The following SNAPC1 variants were observed in gnomAD, a reference collection of about 807,000 sequenced individuals.
The protein encoded by SNAPC1 is small nuclear RNA activating complex polypeptide 1, also known as snRNA-activating protein complex subunit 1.
In SNAPC1, 42 loss-of-function variants were observed where a neutral mutation model predicts 50.1. That is an observed-to-expected ratio of 0.84 (90% confidence interval 0.65 to 1.08). The LOEUF is 1.08. Among genes scored for constraint, SNAPC1 ranks in the 50% least tolerant of loss-of-function variants. SNAPC1 has a pLI of 0.00. For missense variants in SNAPC1, 477 were observed against 427.3 expected (o/e 1.12, Z -1.02); for synonymous variants, 164 against 144.2 (o/e 1.14, Z -0.98).
rs190444843 is a variant in SNAPC1, at chr14:61,769,293, T to C, written c.534+553T>C. Among the ~76,000 whole-genome samples the C allele has an allele frequency of 2.4e-3, 357 of 151,320 alleles. 7 individuals carry two copies. Among genetic ancestry groups the C allele is most frequent in the Admixed American group, 0.019 (290 of 15,216 alleles). On this transcript the variant is annotated intron_variant, in intron 4 of 9. Coordinates refer to ENST00000216294, the MANE Select transcript of SNAPC1 (RefSeq NM_003082.4). ...GAATCACAAACCCCAGAGGTAGAGG[T>C]TGCAGTGAGCTGAGATCGCACCGCT... is the stretch of plus-strand genomic sequence containing the variant.
At chr14:61,770,920 T>C (rs2044985359) in intron 4 of SNAPC1, among the ~76,000 whole-genome samples, 1 of 152,048 alleles carries the variant, frequency 6.6e-6, no homozygotes, top group Non-Finnish European at 1.5e-5. Context: ...TTTTTGTATT[T>C]TAGTAGAGAT....
intron 4 of SNAPC1, 101 bp downstream of exon 4, chr14:61,768,841 T>C: frequency 1.6e-6 from 1 of 626,318 alleles, no homozygotes; most frequent in Non-Finnish European, 2.8e-6. Flanking sequence ...ATTTTTCTAA[T>C]GATTTTAACC....
At position 61,795,430 on chromosome 14, in the gene SNAPC1, G is replaced by A. The variant is rs150829207; in HGVS notation, c.*447G>A. ...TTATTTTGTATATTTATTCTATTTT[G>A]TATATTGTTAAGTGCAATAAAGTTT... On this transcript the variant is annotated 3_prime_UTR_variant, in exon 10 of 10. Transcript: ENST00000216294. 534 of 152,266 alleles carry A rather than the reference G, an allele frequency of 3.5e-3. No homozygotes were observed. Among genetic ancestry groups the A allele is most frequent in the Non-Finnish European group, 5.7e-3 (390 of 67,934 alleles). 9.4% of individuals were successfully genotyped at this position (152,266 alleles called of 1,614,324 possible).
At position 61,796,414 on chromosome 14, in the gene SNAPC1, T is replaced by G. The variant is rs1296168287; in HGVS notation, c.*1431T>G. On this transcript the variant is annotated 3_prime_UTR_variant, in exon 10 of 10. Transcript: ENST00000216294. ...ATGCTAATGCTGACGCAAATAAAAT[T>G]TTCATTTATTAGCATTCATGCAGTC... The G allele has an allele frequency of 6.6e-6, 1 of 152,226 alleles. No individual in the cohort carries two copies. The highest frequency in any genetic ancestry group is 1.5e-5 in the Non-Finnish European group (1 of 68,046). The allele number at this position is 152,226 out of a possible 1,614,324, so 9.4% of individuals were successfully genotyped here. A position where few individuals can be genotyped will look rare whatever the true frequency, so the allele number is the denominator to read the frequency against.
At chr14:61,778,243 A>G in intron 6 of SNAPC1, 103 bp downstream of exon 6, 1 of 626,466 alleles carries the variant, frequency 1.6e-6, no homozygotes, top group South Asian at 2.9e-5. Flanking sequence ...AAAATTCTGA[A>G]TCATGCTTCT....
At chr14:61,771,168 C>T (rs1241295771) in intron 4 of SNAPC1, among the ~76,000 whole-genome samples, 1 of 152,176 alleles carries the variant, frequency 6.6e-6, no homozygotes, top group Non-Finnish European at 1.5e-5. Context: ...TATCTGAAGA[C>T]ATAGTATAAT....
chr14:61,773,894 A>AGAC (rs2045014329), intron 4 of SNAPC1, among the ~76,000 whole-genome samples: 1 of 151,312 alleles, frequency 6.6e-6, no homozygotes, highest in African/African-American at 2.4e-5. Context: ...TTTTTAGTAG[A>AGAC]AATGGGGTTT....
intron 8 of SNAPC1, among the ~76,000 whole-genome samples, chr14:61,787,724 T>C (rs1309432427): frequency 6.6e-6 from 1 of 152,190 alleles, no homozygotes; most frequent in Non-Finnish European, 1.5e-5. Flanking sequence ...CTAAATTTGG[T>C]TTTCAGTCTT....
chr14:61,768,890 A>T (rs183171257), intron 4 of SNAPC1, 150 bp downstream of exon 4: 14 of 514,962 alleles, frequency 2.7e-5, no homozygotes, highest in Non-Finnish European at 4.5e-5. Flanking sequence ...CAGACATAAA[A>T]TAGCCTAAAT....
rs749972192 is a variant in SNAPC1, at chr14:61,776,125, A to C, written c.565A>C (p.Asn189His). ...GCTGAATGTTCATGATCATTATCAG[A>C]ACATGAAACATGTAATTTCAGTTGA... Reference protein sequence around the residue: ...EMLNVHDHYQNMKHVISVDKS... With the variant: ...EMLNVHDHYQHMKHVISVDKS... The change falls in exon 5 of 10, where the codon AAC becomes CAC. Residue 189 changes from asparagine to histidine, a missense_variant. Coordinates refer to ENST00000216294, the MANE Select transcript of SNAPC1 (RefSeq NM_003082.4). 1.2e-6 allele frequency: 2 copies of C among 1,605,300 alleles called. No homozygotes were observed. The highest frequency in any genetic ancestry group is 2.7e-5 in the African/African-American group (2 of 74,580).
chr14:61,771,965 G>C (rs1299018238), intron 4 of SNAPC1, among the ~76,000 whole-genome samples: 1 of 152,116 alleles, frequency 6.6e-6, no homozygotes, highest in Non-Finnish European at 1.5e-5. Context: ...AAAGATTTCG[G>C]GATACCAGAA....
rs141989810 is a variant in SNAPC1, at chr14:61,789,335, A to C, written c.977-3472A>C. On this transcript the variant is annotated intron_variant, in intron 8 of 9. Transcript: ENST00000216294. ...ACATTATCTATACATTTCATAGTGAAAAGGCTTTTTAAAAAAGTATGATCT... is the reference window on the plus strand; with the variant it reads ...ACATTATCTATACATTTCATAGTGACAAGGCTTTTTAAAAAAGTATGATCT... Among the ~76,000 whole-genome samples the C allele has an allele frequency of 2.6e-3, 389 of 152,284 alleles. 2 individuals are homozygous for C. The highest frequency in any genetic ancestry group is 8.9e-3 in the African/African-American group (371 of 41,544).
intron 4 of SNAPC1, among the ~76,000 whole-genome samples, chr14:61,773,398 T>A (rs1017481999): frequency 4.3e-5 from 3 of 69,034 alleles, no homozygotes; most frequent in Non-Finnish European, 8.8e-5. Context: ...ATTTCCTTAG[T>A]TTTTTTTTTT....
At chr14:61,788,078 C>G (rs1411520678) in intron 8 of SNAPC1, among the ~76,000 whole-genome samples, 5 of 149,408 alleles carry the variant, frequency 3.3e-5, no homozygotes, top group Admixed American at 6.7e-5. Flanking sequence ...TAATTAGTTG[C>G]TGAAAACAAC....
rs536265792 is a variant in SNAPC1, at chr14:61,780,612, A to G, written c.826-1635A>G. On this transcript the variant is annotated intron_variant, in intron 7 of 9. Transcript: ENST00000216294. ...TTTATCGAATGCAAAGTTTGTGACT[A>G]TTTTCTCTCATTCTGTAGGGTTGTC... 2.0e-5 allele frequency among the ~76,000 whole-genome samples: 3 copies of G among 152,006 alleles called. No homozygotes were observed. In the South Asian group the frequency reaches 6.2e-4, roughly 32 times the overall value.
chr14:61,782,150 C>G lies in SNAPC1; in HGVS notation c.826-97C>G, dbSNP rs2045079668. 8.4e-6 allele frequency: 8 copies of G among 957,678 alleles called. No individual in the cohort carries two copies. The South Asian group carries it at 1.3e-4, about 16-fold the overall frequency. The allele number at this position is 957,678 out of a possible 1,614,324, so 59.3% of individuals were successfully genotyped here. A position where few individuals can be genotyped will look rare whatever the true frequency, so the allele number is the denominator to read the frequency against. ...CTTTATGACAGATATTTCTGTAAAT[C>G]TTTCCTCATCTTTGATTGTACATTT... is the stretch of plus-strand genomic sequence containing the variant. On this transcript the variant is annotated intron_variant, in intron 7 of 9. Coordinates refer to ENST00000216294, the MANE Select transcript of SNAPC1 (RefSeq NM_003082.4).
intron 8 of SNAPC1, among the ~76,000 whole-genome samples, chr14:61,790,839 G>A (rs2045147195): frequency 6.6e-6 from 1 of 152,040 alleles, no homozygotes; most frequent in East Asian, 1.9e-4. Context: ...GTTGTTAGTT[G>A]CATTCTAGCT....
chr14:61,788,234 T>C (rs1156851640), intron 8 of SNAPC1, among the ~76,000 whole-genome samples: 2 of 152,222 alleles, frequency 1.3e-5, no homozygotes, highest in African/African-American at 4.8e-5. Flanking sequence ...CAGATCTCCA[T>C]CATGGCTTAA....
chr14:61,786,051 C>G (rs554737387), intron 8 of SNAPC1, among the ~76,000 whole-genome samples: 1 of 152,124 alleles, frequency 6.6e-6, no homozygotes, highest in African/African-American at 2.4e-5. Flanking sequence ...GATCTAGATT[C>G]TTTCAGAAAA....
Sources: gnomAD v4.1 joint callset for allele counts (sites outside exome capture counted in the v4.1 genomes callset) on GRCh38, gnomAD v4.1.1 for gene constraint, MANE v1.5 for transcripts, NCBI Gene and HGNC (gene_info 2026-07-23, HGNC 2026-07-21) for gene names.